RBFOX1: variants seen among roughly 807,000 people sequenced by gnomAD.
RBFOX1 encodes RNA binding fox-1 homolog 1, also known as RNA binding protein fox-1 homolog 1.
In RBFOX1, 8 loss-of-function variants were observed where a neutral mutation model predicts 57.7. That is an observed-to-expected ratio of 0.14 (90% CI 0.08 to 0.25). The LOEUF (loss-of-function observed/expected upper bound fraction) is 0.25. Ranked by LOEUF, RBFOX1 falls within the 10% of genes least tolerant of loss-of-function variation. RBFOX1 has a pLI of 1.00. For missense variants in RBFOX1, 611 were observed against 548.5 expected (o/e 1.11, Z -1.14); for synonymous variants, 326 against 222.4 (o/e 1.47, Z -4.15).
At chr16:6,406,158 C>G (rs1248502757) in intron 2 of RBFOX1, among the ~76,000 whole-genome samples, 2 of 152,206 alleles carry the variant, frequency 1.3e-5, no homozygotes, top group African/African-American at 2.4e-5. Context: ...GATGGCAACA[C>G]TCAATCCTAT....
chr16:7,129,238 C>T (rs73542981), intron 4 of RBFOX1, among the ~76,000 whole-genome samples: 4,642 of 152,044 alleles, frequency 0.031, 232 homozygotes, highest in African/African-American at 0.11. Context: ...TTTATTGATT[C>T]GGCTTGGATA....
chr16:7,435,149 C>G (rs752700612), intron 4 of RBFOX1, among the ~76,000 whole-genome samples: 1 of 152,040 alleles, frequency 6.6e-6, no homozygotes, highest in Non-Finnish European at 1.5e-5. Flanking sequence ...CTTTTCTGTT[C>G]CAGGATGTCA....
chr16:6,811,531 T>A (rs1205113501), intron 3 of RBFOX1, among the ~76,000 whole-genome samples: 1 of 152,190 alleles, frequency 6.6e-6, no homozygotes, highest in Non-Finnish European at 1.5e-5. Context: ...AGACCACAGT[T>A]AAAAAGGTAC....
intron 3 of RBFOX1, among the ~76,000 whole-genome samples, chr16:6,672,588 A>G (rs1380406853): frequency 1.3e-5 from 2 of 152,114 alleles, no homozygotes; most frequent in Non-Finnish European, 2.9e-5. Flanking sequence ...TGTTTATGTG[A>G]CAGAATCTTA....
At chr16:5,668,568 C>T (rs1327235878) in intron 3 of RBFOX1, among the ~76,000 whole-genome samples, 1 of 152,184 alleles carries the variant, frequency 6.6e-6, no homozygotes, top group East Asian at 1.9e-4. Context: ...CTGTTTTCCT[C>T]TTCAGATTAA....
intron 3 of RBFOX1, among the ~76,000 whole-genome samples, chr16:6,847,252 C>G (rs1183367405): frequency 6.6e-6 from 1 of 152,136 alleles, no homozygotes; most frequent in Non-Finnish European, 1.5e-5. Context: ...ATCTCTCATG[C>G]CTTTCTAGGC....
intron 3 of RBFOX1, among the ~76,000 whole-genome samples, chr16:6,874,929 T>C (rs545263311): frequency 6.6e-6 from 1 of 152,192 alleles, no homozygotes; most frequent in East Asian, 1.9e-4. Context: ...AAGAAAAACA[T>C]TGTTGAAAAG....
At chr16:7,070,183 A>G (rs80146731) in intron 4 of RBFOX1, among the ~76,000 whole-genome samples, 25 of 152,256 alleles carry the variant, frequency 1.6e-4, no homozygotes, top group African/African-American at 5.8e-4. Context: ...TGGCTCACTG[A>G]GCGATCAGAG....
At chr16:6,464,422 A>C (rs2153069410) in intron 2 of RBFOX1, among the ~76,000 whole-genome samples, 1 of 104,548 alleles carries the variant, frequency 9.6e-6, no homozygotes, top group African/African-American at 3.7e-5. Context: ...CAATACACAA[A>C]AGTATGCTTG....
intron 1 of RBFOX1, among the ~76,000 whole-genome samples, chr16:5,292,290 T>C (rs146729828): frequency 7.9e-4 from 120 of 152,348 alleles, no homozygotes; most frequent in African/African-American, 2.6e-3. Context: ...ACAAGCACAT[T>C]TGGCATTTCC....
chr16:7,069,809 TC>T (rs1567146579), intron 4 of RBFOX1, among the ~76,000 whole-genome samples: 1 of 152,110 alleles, frequency 6.6e-6, no homozygotes, highest in Admixed American at 6.6e-5. Flanking sequence ...AAAATTGTGT[TC>T]CTCCTATCCA....
chr16:5,242,634 G>A (rs2062196103), intron 1 of RBFOX1, among the ~76,000 whole-genome samples: 1 of 152,180 alleles, frequency 6.6e-6, no homozygotes, highest in South Asian at 2.1e-4. Flanking sequence ...GCCCTTTTAT[G>A]AGATTTTGTC....
intron 1 of RBFOX1, among the ~76,000 whole-genome samples, chr16:6,257,201 A>C (rs905575979): frequency 6.6e-6 from 1 of 152,050 alleles, no homozygotes; most frequent in Non-Finnish European, 1.5e-5. Flanking sequence ...TGCTGCACCT[A>C]TGAACCCCTC....
At chr16:6,073,065 TATG>T (rs1567387540) in intron 1 of RBFOX1, among the ~76,000 whole-genome samples, 2 of 152,234 alleles carry the variant, frequency 1.3e-5, no homozygotes, top group African/African-American at 4.8e-5. Context: ...TGTGACTAGT[TATG>T]ATGAGTCAGA....
intron 3 of RBFOX1, among the ~76,000 whole-genome samples, chr16:7,020,202 T>TTTTCTTTG (rs774604521): frequency 6.6e-6 from 1 of 152,236 alleles, no homozygotes; most frequent in African/African-American, 2.4e-5. Flanking sequence ...ATTTTCTTTT[T>TTTTCTTTG]TTTCTTTGTT....
At chr16:6,695,174 CT>C (rs1489610282) in intron 3 of RBFOX1, among the ~76,000 whole-genome samples, 1 of 151,994 alleles carries the variant, frequency 6.6e-6, no homozygotes, top group East Asian at 1.9e-4. Context: ...AATCCCAGCA[CT>C]TTGGGAGGCC....
intron 3 of RBFOX1, among the ~76,000 whole-genome samples, chr16:6,870,095 T>C (rs1309838740): frequency 6.6e-6 from 1 of 152,154 alleles, no homozygotes; most frequent in Non-Finnish European, 1.5e-5. Context: ...TCTTTTTGGA[T>C]GATGATAATA....
chr16:7,023,285 C>T (rs1035883954), intron 3 of RBFOX1, among the ~76,000 whole-genome samples: 6 of 151,498 alleles, frequency 4.0e-5, no homozygotes, highest in African/African-American at 1.2e-4. Flanking sequence ...AAGACCAGAC[C>T]GCATCTCTAC....
intron 3 of RBFOX1, among the ~76,000 whole-genome samples, chr16:6,836,876 G>C (rs189659516): frequency 6.6e-6 from 1 of 152,154 alleles, no homozygotes; most frequent in Admixed American, 6.5e-5. Flanking sequence ...GAACCACAGG[G>C]CCTGTATGGT....
Sources: allele counts gnomAD v4.1 joint callset (sites outside exome capture counted in the v4.1 genomes callset), GRCh38; gene constraint gnomAD v4.1.1; transcripts MANE v1.5; gene names NCBI Gene and HGNC (gene_info 2026-07-23, HGNC 2026-07-21).